PPP6C: variants seen among roughly 807,000 people sequenced by gnomAD.
PPP6C encodes the protein serine/threonine-protein phosphatase 6 catalytic subunit.
A neutral mutation model predicts 39.8 loss-of-function variants in PPP6C; 11 were observed. That is an observed-to-expected ratio of 0.28 (90% CI 0.17 to 0.46). The LOEUF is 0.46. Among genes scored for constraint, PPP6C ranks in the 20% least tolerant of loss-of-function variants. The pLI is 1.00. For missense variants in PPP6C, 211 were observed against 373.9 expected, an observed-to-expected ratio of 0.56 and a Z score of 3.59; for synonymous variants, 129 against 130.3, an observed-to-expected ratio of 0.99 and a Z score of 0.07.
intron 1 of PPP6C, among the ~76,000 whole-genome samples, chr9:125,182,405 G>C (rs1037430683): frequency 1.3e-5 from 2 of 152,086 alleles, no homozygotes; most frequent in Non-Finnish European, 2.9e-5. Flanking sequence ...ATTTTGGGAG[G>C]CCAAGGCAAG....
rs1835827680 is a variant in PPP6C at position 125,147,025 on chromosome 9, A to G, written c.*2648T>C. The G allele has an allele frequency of 6.6e-6, 1 of 152,218 alleles. No homozygotes were observed. The highest frequency in any genetic ancestry group is 2.4e-5 in the African/African-American group (1 of 41,450). The allele number at this position is 152,218 out of a possible 1,614,324, so 9.4% of individuals were successfully genotyped here. A position where few individuals can be genotyped will look rare whatever the true frequency, so the allele number is the denominator to read the frequency against. On this transcript the variant is annotated 3_prime_UTR_variant, in exon 7 of 7. Coordinates refer to ENST00000373547, the MANE Select transcript of PPP6C (RefSeq NM_002721.5). ...GGGCTTAAGACGTCAAAATCTTCCA[A>G]CAGTTCTAGACATCCAGACAGAATA... is the stretch of plus-strand genomic sequence containing the variant.
At chr9:125,152,994 C>T (rs1484297545) in intron 6 of PPP6C, among the ~76,000 whole-genome samples, 3 of 150,494 alleles carry the variant, frequency 2.0e-5, no homozygotes, top group African/African-American at 7.3e-5. Flanking sequence ...AGGGGCTGGC[C>T]GGGTGCGGTG....
chr9:125,182,254 T>C (rs1309632050), intron 1 of PPP6C, among the ~76,000 whole-genome samples: 1 of 152,172 alleles, frequency 6.6e-6, no homozygotes, highest in Non-Finnish European at 1.5e-5. Context: ...ACTTTTAAAA[T>C]TACTTGTTTA....
intron 1 of PPP6C, among the ~76,000 whole-genome samples, chr9:125,173,404 C>CAAAAAA: frequency 2.0e-5 from 1 of 50,750 alleles, no homozygotes; most frequent in Non-Finnish European, 3.4e-5. Flanking sequence ...GACTCCCTCT[C>CAAAAAA]AAAAAAAAAA....
Position 125,160,873 on chromosome 9 carries a change from C to A in PPP6C, c.205G>T (p.Gly69Cys). 6.3e-7 allele frequency: 1 copy of A among 1,594,144 alleles called. No homozygotes were observed. Among genetic ancestry groups the A allele is most frequent in the East Asian group, 2.3e-5 (1 of 43,662 alleles). Residue 69 changes from glycine (G) to cysteine (C), a missense_variant, in exon 3 of 7, where the codon GGT becomes TGT. Physicochemically the swap from Gly to Cys is radical, Grantham distance 159. Transcript: ENST00000373547. Reference sequence around the variant, plus strand: ...ATGTAGTTTGTGTCAGGAACCTGACCTCCAGTTCTGAACAGTTCACAAAGG... The same window carrying A: ...ATGTAGTTTGTGTCAGGAACCTGACATCCAGTTCTGAACAGTTCACAAAGG... ...YDLCELFRTG[G>C]QVPDTNYIFM...
intron 6 of PPP6C, chr9:125,150,782 CA>C: frequency 1.4e-6 from 1 of 718,700 alleles, no homozygotes; most frequent in Non-Finnish European, 2.5e-6. Context: ...TGGAAATTGG[CA>C]AAAGTGTACG....
At chr9:125,189,571 G>T (rs1829616985) in intron 1 of PPP6C, 73 bp downstream of exon 1, 2 of 1,604,364 alleles carry the variant, frequency 1.2e-6, no homozygotes, top group Non-Finnish European at 1.7e-6. Context: ...CCCGGCGGGG[G>T]TCCTGGAGAA....
intron 1 of PPP6C, among the ~76,000 whole-genome samples, chr9:125,179,750 G>C (rs1829384496): frequency 6.7e-6 from 1 of 150,316 alleles, no homozygotes; most frequent in Non-Finnish European, 1.5e-5. Context: ...CCACCTCCCA[G>C]ATTCAAGCGA....
In PPP6C at chr9:125,147,078, G is replaced by A. The variant is rs1352951199; in HGVS notation, c.*2595C>T. ...AGCTGATGCAGATTGCATATGAGAT[G>A]TACTGTTGATCCAGGTGTTTTAGGA... On this transcript the variant is annotated 3_prime_UTR_variant, in exon 7 of 7. Coordinates refer to ENST00000373547, the MANE Select transcript of PPP6C (RefSeq NM_002721.5). 1 of 152,204 alleles carries A rather than the reference G, an allele frequency of 6.6e-6. No individual in the cohort carries two copies. The highest frequency in any genetic ancestry group is 2.4e-5 in the African/African-American group (1 of 41,444). The allele number at this position is 152,204 out of a possible 1,614,324, so 9.4% of individuals were successfully genotyped here.
At chr9:125,154,544 A>C (rs751965510) in intron 4 of PPP6C, among the ~76,000 whole-genome samples, 1 of 152,224 alleles carries the variant, frequency 6.6e-6, no homozygotes, top group Non-Finnish European at 1.5e-5. Flanking sequence ...TGGACCTAAG[A>C]AGCAGCTGAA....
intron 1 of PPP6C, among the ~76,000 whole-genome samples, chr9:125,177,234 C>A (rs989010357): frequency 3.3e-5 from 5 of 152,070 alleles, no homozygotes; most frequent in African/African-American, 1.2e-4. Flanking sequence ...ATTAGCCGGG[C>A]GTGGTGGCGG....
At chr9:125,170,395 C>T (rs374218034) in intron 2 of PPP6C, among the ~76,000 whole-genome samples, 3 of 151,990 alleles carry the variant, frequency 2.0e-5, no homozygotes, top group African/African-American at 7.3e-5. Flanking sequence ...CACCACCATG[C>T]CCAGCTAATT....
At chr9:125,179,858 G>A (rs898829847) in intron 1 of PPP6C, among the ~76,000 whole-genome samples, 2 of 151,824 alleles carry the variant, frequency 1.3e-5, no homozygotes, top group Admixed American at 1.3e-4. Flanking sequence ...GTTTCACCAC[G>A]TTGGCCAGGC....
chr9:125,149,977 A>C, intron 6 of PPP6C, 56 bp from the exon 7 acceptor site: 2 of 1,563,736 alleles, frequency 1.3e-6, no homozygotes, highest in Non-Finnish European at 1.7e-6. Context: ...ATCGGCCTAC[A>C]TAATCATTTA....
chr9:125,167,134 A>C (rs1376142669), intron 2 of PPP6C, among the ~76,000 whole-genome samples: 2 of 151,782 alleles, frequency 1.3e-5, no homozygotes. Flanking sequence ...TAGTCCCAGC[A>C]CTCTGGGAGG....
intron 2 of PPP6C, among the ~76,000 whole-genome samples, chr9:125,165,022 C>G (rs1277855695): frequency 6.6e-6 from 1 of 151,442 alleles, no homozygotes; most frequent in Non-Finnish European, 1.5e-5. Flanking sequence ...CAGGCGTGAG[C>G]CACCGCGCCC....
intron 1 of PPP6C, chr9:125,188,989 T>C (rs577386077): frequency 7.5e-6 from 11 of 1,458,214 alleles, no homozygotes; most frequent in Non-Finnish European, 1.0e-5. Context: ...TTGTATTTAT[T>C]GAGAACCAAC....
At chr9:125,169,816 C>T (rs1036719276) in intron 2 of PPP6C, among the ~76,000 whole-genome samples, 2 of 152,060 alleles carry the variant, frequency 1.3e-5, no homozygotes, top group Non-Finnish European at 2.9e-5. Context: ...AATGGGACCT[C>T]CATCTAGGAG....
chr9:125,180,936 C>T (rs1263029318), intron 1 of PPP6C, among the ~76,000 whole-genome samples: 5 of 152,134 alleles, frequency 3.3e-5, no homozygotes, highest in Non-Finnish European at 7.3e-5. Flanking sequence ...AACTACCTAG[C>T]AGCAGCCTTC....
Sources: gnomAD v4.1 joint callset for allele counts (sites outside exome capture counted in the v4.1 genomes callset) on GRCh38, gnomAD v4.1.1 for gene constraint, MANE v1.5 for transcripts, NCBI Gene and HGNC (gene_info 2026-07-23, HGNC 2026-07-21) for gene names.